Variants in TRIM5 observed in about 807,000 individuals in gnomAD.
The protein encoded by TRIM5 is tripartite motif-containing protein 5.
In TRIM5, 31 loss-of-function variants were observed where a neutral mutation model predicts 35.6. The observed-to-expected ratio is 0.87, with a 90% CI of 0.65 to 1.18. TRIM5 has a LOEUF of 1.18. TRIM5 is among the 50% of genes most tolerant of loss of function. The pLI is 0.00. For missense variants in TRIM5, 609 were observed against 591.6 expected, an observed-to-expected ratio of 1.03 and a Z score of -0.31; for synonymous variants, 243 against 215.6, an observed-to-expected ratio of 1.13 and a Z score of -1.11.
the TRIM5 span, among the ~76,000 whole-genome samples, chr11:5,650,559 G>A: frequency 1.3e-5 from 2 of 152,196 alleles, no homozygotes; most frequent in South Asian, 4.1e-4. Context: ...TGCAGGCTGG[G>A]TGAGAGTAGA....
At chr11:5,637,641 T>G in the TRIM5 span, among the ~76,000 whole-genome samples, 1 of 152,216 alleles carries the variant, frequency 6.6e-6, no homozygotes, top group Non-Finnish European at 1.5e-5. Flanking sequence ...TCCATGGCAT[T>G]TAGTACATTC....
chr11:5,592,780 G>A, the TRIM5 span, among the ~76,000 whole-genome samples: 2 of 151,600 alleles, frequency 1.3e-5, no homozygotes, highest in South Asian at 2.1e-4. Flanking sequence ...TACCCGGCAC[G>A]GTGGTGTATG....
chr11:5,618,801 T>A, the TRIM5 span, among the ~76,000 whole-genome samples: 3 of 152,198 alleles, frequency 2.0e-5, no homozygotes, highest in Non-Finnish European at 4.4e-5. Context: ...GAGAGGAAAT[T>A]CTATTTTAAG....
At chr11:5,677,051 T>C (rs1406866222) in intron 4 of TRIM5, among the ~76,000 whole-genome samples, 1 of 152,136 alleles carries the variant, frequency 6.6e-6, no homozygotes, top group East Asian at 1.9e-4. Context: ...GGACAAGGAC[T>C]TCATGTCTAA....
chr11:5,657,600 A>ATATATATTTATATATTATATATAATGCAT, the TRIM5 span, among the ~76,000 whole-genome samples: 13 of 85,864 alleles, frequency 1.5e-4, no homozygotes, highest in East Asian at 7.8e-3. Context: ...ATTATATATA[A>ATATATATTTATATATTATATATAATGCAT]TATATATTTA....
intron 5 of TRIM5, among the ~76,000 whole-genome samples, chr11:5,667,431 A>G (rs1851228666): frequency 2.0e-5 from 3 of 151,994 alleles, no homozygotes; most frequent in Admixed American, 2.0e-4. Flanking sequence ...CTAGTCTCAA[A>G]CTCCTGATCT....
the TRIM5 span, among the ~76,000 whole-genome samples, chr11:5,648,483 G>A: frequency 1.3e-5 from 2 of 152,020 alleles, no homozygotes. Context: ...TCCAGCCTGG[G>A]CGACAGAGGG....
In TRIM5 at chr11:5,664,500, A is replaced by G. The variant is rs1398010783; in HGVS notation, c.*309T>C. On this transcript the variant is annotated 3_prime_UTR_variant, in exon 8 of 8. Coordinates refer to ENST00000380034, the MANE Select transcript of TRIM5 (RefSeq NM_033034.3). ...TCTTCATCTTCTTAGTCAGTGTCAG[A>G]GGCAATTGGGTGATAAATATCTGGC... 9.3e-7 allele frequency: 1 copy of G among 1,074,368 alleles called. No homozygotes were observed. The highest frequency in any genetic ancestry group is 1.1e-6 in the Non-Finnish European group (1 of 886,254). 66.6% of individuals were successfully genotyped at this position (1,074,368 alleles called of 1,614,324 possible). A position where few individuals can be genotyped will look rare whatever the true frequency, so the allele number is the denominator to read the frequency against.
At chr11:5,608,918 T>C in the TRIM5 span, among the ~76,000 whole-genome samples, 1 of 140,004 alleles carries the variant, frequency 7.1e-6, no homozygotes, top group South Asian at 2.5e-4. Flanking sequence ...TGGTGTGATC[T>C]CGGCTCACTG....
the TRIM5 span, chr11:5,643,694 C>A: frequency 1.9e-6 from 3 of 1,588,040 alleles, no homozygotes; most frequent in Admixed American, 1.9e-5. Flanking sequence ...TGACTCTATG[C>A]CCACCAAGCT....
chr11:5,642,684 G>A, the TRIM5 span: 1 of 1,330,888 alleles, frequency 7.5e-7, no homozygotes, highest in Non-Finnish European at 9.8e-7. Flanking sequence ...TAGGTCTCTG[G>A]TTTATCTTTT....
At chr11:5,623,180 C>G in the TRIM5 span, among the ~76,000 whole-genome samples, 7 of 148,570 alleles carry the variant, frequency 4.7e-5, no homozygotes, top group African/African-American at 1.2e-4. Context: ...TTGCCCTAAC[C>G]AGTTCTCAAC....
the TRIM5 span, among the ~76,000 whole-genome samples, chr11:5,600,523 A>C: frequency 6.6e-6 from 1 of 152,140 alleles, no homozygotes; most frequent in Non-Finnish European, 1.5e-5. Flanking sequence ...GCTTATGCTT[A>C]CATCCCATGA....
the TRIM5 span, chr11:5,634,578 A>G: frequency 3.9e-6 from 6 of 1,533,930 alleles, no homozygotes; most frequent in African/African-American, 1.4e-5. Flanking sequence ...CCCTTGCACA[A>G]TAGGCCTTAG....
chr11:5,681,938 A>C (rs1215340511), intron 1 of TRIM5, among the ~76,000 whole-genome samples: 1 of 149,128 alleles, frequency 6.7e-6, no homozygotes, highest in Non-Finnish European at 1.5e-5. Flanking sequence ...AGCTGGGACC[A>C]CAGGCACGCA....
chr11:5,665,911 C>T lies in TRIM5; in HGVS notation c.868+70G>A, dbSNP rs180946957. ...CTCTATCCATATTTGGAAACTGCAC[C>T]CTCTTCCCTATTTAGCACCCTAACA... On this transcript the variant is annotated intron_variant, in intron 6 of 7. Coordinates refer to ENST00000380034, the MANE Select transcript of TRIM5 (RefSeq NM_033034.3). 3.4e-6 allele frequency: 5 copies of T among 1,460,238 alleles called. No homozygotes were observed. In the African/African-American group the frequency reaches 4.3e-5, roughly 13 times the overall value. The allele number at this position is 1,460,238 out of a possible 1,614,324, so 90.5% of individuals were successfully genotyped here. A position where few individuals can be genotyped will look rare whatever the true frequency, so the allele number is the denominator to read the frequency against.
Position 5,665,344 on chromosome 11 carries a change from T to C in TRIM5, c.947A>G (p.Asp316Gly), listed in dbSNP as rs755827333. Residue 316 changes from aspartate (D) to glycine (G), a missense_variant, in exon 8 of 8, where the codon GAT (aspartate) becomes GGT (glycine). By Grantham distance (94) the Asp-to-Gly change is moderately conservative (BLOSUM62 -1). Coordinates refer to ENST00000380034, the MANE Select transcript of TRIM5 (RefSeq NM_033034.3). ...NNISCAVISE[D>G]KRQVSSPKPQ... ...TTTCGGAGAGCTCACTTGTCTCTTA[T>C]CTTCAGAAATGACAGCACATGAAAT... 8.1e-6 allele frequency: 13 copies of C among 1,613,392 alleles called. 1 individual carries two copies. The South Asian group carries it at 9.9e-5, about 12-fold the overall frequency.
the TRIM5 span, chr11:5,610,664 C>A: frequency 2.6e-6 from 4 of 1,563,974 alleles, no homozygotes; most frequent in African/African-American, 1.4e-5. Flanking sequence ...ATGCCTCCCC[C>A]ATCCCCGCCA....
chr11:5,660,230 C>A (rs1850768661), downstream of TRIM5, among the ~76,000 whole-genome samples: 1 of 152,166 alleles, frequency 6.6e-6, no homozygotes, highest in Non-Finnish European at 1.5e-5. Context: ...CCACCTCAGC[C>A]TCCCAAAGTG....
Sources: allele counts gnomAD v4.1 joint callset (sites outside exome capture counted in the v4.1 genomes callset), GRCh38; gene constraint gnomAD v4.1.1; transcripts MANE v1.5; gene names NCBI Gene and HGNC (gene_info 2026-07-23, HGNC 2026-07-21).